Variants in ARHGEF3 observed in about 807,000 individuals in gnomAD.
The protein encoded by ARHGEF3 is Rho guanine nucleotide exchange factor 3.
Under a neutral mutation model 63.2 loss-of-function variants are expected in ARHGEF3, and 28 were observed. The observed-to-expected ratio is 0.44, with a 90% CI of 0.33 to 0.61. The LOEUF (loss-of-function observed/expected upper bound fraction) is 0.61, where lower values mean the gene tolerates loss of function less well. ARHGEF3 is among the 20% of genes least tolerant of loss of function. The pLI is 0.03. For synonymous variants in ARHGEF3, 266 were observed against 254.2 expected, an observed-to-expected ratio of 1.05 and a Z score of -0.44; for missense variants, 533 against 659.3, an observed-to-expected ratio of 0.81 and a Z score of 2.10.
At chr3:56,853,707 C>T (rs1423394592) in intron 4 of ARHGEF3, among the ~76,000 whole-genome samples, 1 of 152,198 alleles carries the variant, frequency 6.6e-6, no homozygotes, top group Non-Finnish European at 1.5e-5. Context: ...TTTATAACAC[C>T]TCTTCCACAA....
chr3:56,822,849 G>GA (rs35895519), intron 4 of ARHGEF3, among the ~76,000 whole-genome samples: 28,456 of 131,916 alleles, frequency 0.22, 3,481 homozygotes, highest in East Asian at 0.37. Context: ...GTAAGACTCT[G>GA]AAAAAAAAAA....
In ARHGEF3 at chr3:57,002,500, A is replaced by ATATATATATATATATATATATGT. The variant is rs1702276506; in HGVS notation, c.62+32587_62+32588insACATATATATATATATATATATA. Among the ~76,000 whole-genome samples the ATATATATATATATATATATATGT allele has an allele frequency of 1.0e-3, 62 of 60,114 alleles. 1 individual carries two copies. Among genetic ancestry groups the ATATATATATATATATATATATGT allele is most frequent in the African/African-American group, 2.9e-3 (47 of 16,016 alleles). The allele number at this position is 60,114 out of a possible 152,430, so 39.4% of individuals were successfully genotyped here. On this transcript the variant is annotated intron_variant, in intron 2 of 12. Coordinates refer to the ARHGEF3 transcript ENST00000338458. ...TATGTTATATATATATATATATGTT[A>ATATATATATATATATATATATGT]TATATATATATATGTTATATATGTA...
intron 1 of ARHGEF3, chr3:56,775,816 A>C: frequency 3.1e-6 from 1 of 326,604 alleles, no homozygotes. Flanking sequence ...ACACACACAC[A>C]CACACTGCCT....
At chr3:57,027,827 C>A (rs1477352124) in intron 2 of ARHGEF3, among the ~76,000 whole-genome samples, 1 of 152,060 alleles carries the variant, frequency 6.6e-6, no homozygotes, top group Non-Finnish European at 1.5e-5. Context: ...CCATTGCACT[C>A]CAGCCTGGGC....
chr3:56,968,334 A>ATATATATAT (rs373914899), intron 2 of ARHGEF3, among the ~76,000 whole-genome samples: 11 of 56,822 alleles, frequency 1.9e-4, no homozygotes, highest in African/African-American at 6.7e-4. Flanking sequence ...ATATATATAT[A>ATATATATAT]ATATATAATA....
intron 3 of ARHGEF3, among the ~76,000 whole-genome samples, chr3:56,906,837 A>AG (rs1435108076): frequency 2.8e-5 from 4 of 141,698 alleles, no homozygotes; most frequent in African/African-American, 1.1e-4. Flanking sequence ...ACTCTGTCTC[A>AG]AAAAAAAAAA....
intron 2 of ARHGEF3, among the ~76,000 whole-genome samples, chr3:56,959,740 G>A (rs532398028): frequency 2.3e-4 from 35 of 152,284 alleles, no homozygotes; most frequent in African/African-American, 8.4e-4. Flanking sequence ...CACTTTGGGA[G>A]GCCGAAACAG....
At chr3:56,941,543 C>T (rs1699185950) in intron 3 of ARHGEF3, among the ~76,000 whole-genome samples, 1 of 152,206 alleles carries the variant, frequency 6.6e-6, no homozygotes. Flanking sequence ...CCGATGTGTT[C>T]TAAGACCTGA....
intron 1 of ARHGEF3, among the ~76,000 whole-genome samples, chr3:56,782,403 AG>A (rs1346871963): frequency 6.6e-6 from 1 of 152,186 alleles, no homozygotes; most frequent in Non-Finnish European, 1.5e-5. Flanking sequence ...AGGGACTGCA[AG>A]CTTTGTGGAC....
chr3:56,804,180 C>T (rs1559955636), upstream of ARHGEF3, among the ~76,000 whole-genome samples: 1 of 152,202 alleles, frequency 6.6e-6, no homozygotes, highest in Non-Finnish European at 1.5e-5. Flanking sequence ...CCACCATGCC[C>T]AGCCCTAAAA....
At chr3:56,760,776 C>A (rs1036541009) in intron 2 of ARHGEF3, among the ~76,000 whole-genome samples, 1 of 151,974 alleles carries the variant, frequency 6.6e-6, no homozygotes, top group Non-Finnish European at 1.5e-5. Context: ...TGGGATCCAG[C>A]TCCTGCCTTC....
chr3:56,928,058 A>G (rs1341313284), intron 3 of ARHGEF3, among the ~76,000 whole-genome samples: 1 of 152,150 alleles, frequency 6.6e-6, no homozygotes, highest in Non-Finnish European at 1.5e-5. Context: ...TTCTGCAGAC[A>G]CATGCAGCAT....
At chr3:56,780,750 G>A (rs2036525689) in intron 1 of ARHGEF3, among the ~76,000 whole-genome samples, 1 of 152,128 alleles carries the variant, frequency 6.6e-6, no homozygotes, top group East Asian at 1.9e-4. Flanking sequence ...GTTCTCTCAC[G>A]ATTAAGTTCA....
At position 56,907,632 on chromosome 3, in the gene ARHGEF3, G is replaced by A. The variant is rs116619300; in HGVS notation, c.130-25278C>T. ...GGAATCAACCTAGATGCCCATCAAC[G>A]GTAGACTAAATAAAGAAAAAGTTGT... On this transcript the variant is annotated intron_variant, in intron 3 of 12. Transcript: ENST00000338458. Among the ~76,000 whole-genome samples the A allele has an allele frequency of 2.8e-3, 429 of 152,212 alleles. 2 individuals carry two copies. The highest frequency in any genetic ancestry group is 0.01 in the Middle Eastern group (3 of 294).
chr3:56,908,913 G>A (rs2041777305), intron 3 of ARHGEF3, among the ~76,000 whole-genome samples: 2 of 152,170 alleles, frequency 1.3e-5, no homozygotes, highest in South Asian at 2.1e-4. Flanking sequence ...GCACATGTAT[G>A]TTCTATCTCA....
At chr3:57,064,733 C>G (rs1705430483) in intron 1 of ARHGEF3, among the ~76,000 whole-genome samples, 3 of 152,180 alleles carry the variant, frequency 2.0e-5, no homozygotes, top group Admixed American at 2.0e-4. Context: ...GTATCTAGAA[C>G]AGTCAAATTC....
chr3:56,982,915 G>A (rs550756609), intron 2 of ARHGEF3, among the ~76,000 whole-genome samples: 2 of 152,104 alleles, frequency 1.3e-5, no homozygotes, highest in African/African-American at 2.4e-5. Context: ...CCTGCCCAGG[G>A]ACCATCAACA....
intron 2 of ARHGEF3, among the ~76,000 whole-genome samples, chr3:56,767,508 C>T (rs953622316): frequency 3.6e-5 from 5 of 136,994 alleles, no homozygotes; most frequent in African/African-American, 1.4e-4. Context: ...GGCTTGAACC[C>T]GGGAGGCAGA....
At chr3:56,898,809 C>A (rs150715402) in intron 3 of ARHGEF3, among the ~76,000 whole-genome samples, 143 of 152,242 alleles carry the variant, frequency 9.4e-4, no homozygotes, top group Middle Eastern at 3.4e-3. Context: ...GTAATCCCAG[C>A]ACTTTGGGAG....
Sources: gnomAD v4.1 joint callset for allele counts (sites outside exome capture counted in the v4.1 genomes callset) on GRCh38, gnomAD v4.1.1 for gene constraint, MANE v1.5 for transcripts, NCBI Gene and HGNC (gene_info 2026-07-23, HGNC 2026-07-21) for gene names.